GLIPR1L1: variants seen among roughly 807,000 people sequenced by gnomAD.
GLIPR1L1 encodes GLIPR1 like 1, also known as GLIPR1-like protein 1.
GLIPR1L1 carries 26 observed loss-of-function variants against 29.9 expected under a neutral mutation model. That is an observed-to-expected ratio of 0.87 (90% CI 0.64 to 1.21). The LOEUF (loss-of-function observed/expected upper bound fraction) is 1.21. Among genes scored for constraint, GLIPR1L1 ranks in the 50% most tolerant of loss-of-function variants. The pLI, the probability that GLIPR1L1 is intolerant of heterozygous loss-of-function variation, is 0.00. For missense variants in GLIPR1L1, 305 were observed against 290.3 expected (o/e 1.05, Z -0.37); for synonymous variants, 77 against 97.5 (o/e 0.79, Z 1.24).
intron 4 of GLIPR1L1, among the ~76,000 whole-genome samples, chr12:75,363,689 C>T (rs914972592): frequency 1.3e-5 from 2 of 152,010 alleles, no homozygotes; most frequent in African/African-American, 4.8e-5. Context: ...AAAATGGAGC[C>T]ATGTGTCAAC....
intron 1 of GLIPR1L1, among the ~76,000 whole-genome samples, chr12:75,335,163 A>G (rs1276588039): frequency 1.3e-5 from 2 of 152,158 alleles, no homozygotes; most frequent in African/African-American, 2.4e-5. Context: ...GCTTTGTTGC[A>G]CCACTAAAGT....
At chr12:75,344,665 G>A (rs2042332390) in intron 2 of GLIPR1L1, among the ~76,000 whole-genome samples, 1 of 151,764 alleles carries the variant, frequency 6.6e-6, no homozygotes, top group Admixed American at 6.6e-5. Flanking sequence ...TATCATGTTG[G>A]GTAAATTTTA....
intron 4 of GLIPR1L1, chr12:75,366,809 A>G: frequency 1.4e-6 from 1 of 697,252 alleles, no homozygotes; most frequent in African/African-American, 1.8e-5. Context: ...ATCACCTCTG[A>G]GAGGGCTAAA....
chr12:75,349,467 C>T (rs1005457634), intron 3 of GLIPR1L1, among the ~76,000 whole-genome samples: 4 of 151,830 alleles, frequency 2.6e-5, no homozygotes, highest in African/African-American at 9.7e-5. Context: ...TATTACCAGC[C>T]ATATAAAGAA....
Position 75,343,737 on chromosome 12 carries a change from C to T in GLIPR1L1, c.219C>T (p.Asn73=), listed in dbSNP as rs2042266085. The stretch of plus-strand genomic sequence containing the variant: ...CAAAGATGGCTAAAGCATGGGCAAA[C>T]CAGTGCAAATTTGAACATAATGACT... The part of the protein sequence containing the change: ...GLAKMAKAWA[N]QCKFEHNDCL... Residue 73 remains asparagine (N), a synonymous_variant, in exon 2 of 6, where the codon AAC becomes AAT. Coordinates refer to ENST00000378695, the MANE Select transcript of GLIPR1L1 (RefSeq NM_001304964.2). 6.2e-7 allele frequency: 1 copy of T among 1,612,142 alleles called. No individual in the cohort carries two copies. Among genetic ancestry groups the T allele is most frequent in the South Asian group, 1.1e-5 (1 of 90,940 alleles).
intron 4 of GLIPR1L1, chr12:75,366,782 T>A (rs2043995115): frequency 2.2e-5 from 15 of 676,730 alleles, no homozygotes; most frequent in South Asian, 2.0e-4. Flanking sequence ...TGTCTCAGTT[T>A]CTCTCTTCAG....
At chr12:75,354,048 C>A (rs1312438043) in intron 3 of GLIPR1L1, among the ~76,000 whole-genome samples, 3 of 150,516 alleles carry the variant, frequency 2.0e-5, no homozygotes, top group Non-Finnish European at 4.4e-5. Flanking sequence ...ACTGAATGGG[C>A]AAAAGCTGGA....
At chr12:75,356,245 A>T (rs1312596808) in intron 3 of GLIPR1L1, among the ~76,000 whole-genome samples, 1 of 152,202 alleles carries the variant, frequency 6.6e-6, no homozygotes. Flanking sequence ...AAGCAAAATA[A>T]AACTGTCAAC....
intron 3 of GLIPR1L1, among the ~76,000 whole-genome samples, chr12:75,359,411 G>A (rs1236239479): frequency 2.0e-5 from 2 of 101,166 alleles, no homozygotes; most frequent in Admixed American, 1.6e-4. Context: ...ATGAATTCAA[G>A]ACAATCCCAG....
chr12:75,367,662 C>T (rs1056204765), intron 4 of GLIPR1L1, among the ~76,000 whole-genome samples: 19 of 151,986 alleles, frequency 1.3e-4, no homozygotes, highest in African/African-American at 4.3e-4. Context: ...AGTCTATTAA[C>T]ACTTTTACCA....
chr12:75,369,433 G>A (rs956621115), intron 4 of GLIPR1L1: 34 of 707,436 alleles, frequency 4.8e-5, no homozygotes, highest in African/African-American at 1.9e-4. Flanking sequence ...TGCTGAATAC[G>A]TAGTAGAAGG....
chr12:75,342,458 A>G (rs1403611248), intron 1 of GLIPR1L1, among the ~76,000 whole-genome samples: 1 of 152,202 alleles, frequency 6.6e-6, no homozygotes, highest in Non-Finnish European at 1.5e-5. Context: ...AAATAAAAAG[A>G]TGTTTAAAAA....
intron 1 of GLIPR1L1, among the ~76,000 whole-genome samples, chr12:75,340,616 T>TA (rs2042037145): frequency 6.6e-6 from 1 of 151,654 alleles, no homozygotes; most frequent in Admixed American, 6.6e-5. Context: ...TTCTACTTTC[T>TA]AAAGTACCCT....
Position 75,370,319 on chromosome 12 carries a change from CA to C in GLIPR1L1, c.*149del, listed in dbSNP as rs1235193207. The C allele has an allele frequency of 1.1e-5, 6 of 551,508 alleles. No homozygotes were observed. The highest frequency in any genetic ancestry group is 1.9e-5 in the Non-Finnish European group (6 of 310,198). The allele number at this position is 551,508 out of a possible 1,614,324, so 34.2% of individuals were successfully genotyped here. On this transcript the variant is annotated 3_prime_UTR_variant, in exon 6 of 6. Coordinates refer to ENST00000378695, the MANE Select transcript of GLIPR1L1 (RefSeq NM_001304964.2). ...CTAAATTTAATGTTTGTTTTTAACT[CA>C]AAAAATGTACTGTAGTATGGAAAAT...
At chr12:75,343,272 A>G (rs1380216334) in intron 1 of GLIPR1L1, among the ~76,000 whole-genome samples, 2 of 152,012 alleles carry the variant, frequency 1.3e-5, no homozygotes, top group African/African-American at 2.4e-5. Context: ...TTGTTTGTAG[A>G]TTATCTTTAT....
chr12:75,359,161 A>G (rs1451782608), intron 3 of GLIPR1L1, among the ~76,000 whole-genome samples: 1 of 150,492 alleles, frequency 6.6e-6, no homozygotes, highest in Non-Finnish European at 1.5e-5. Context: ...GTATACTAAC[A>G]CTTAACCAGA....
At chr12:75,364,532 G>T (rs754839811) in intron 4 of GLIPR1L1, among the ~76,000 whole-genome samples, 1 of 152,196 alleles carries the variant, frequency 6.6e-6, no homozygotes, top group African/African-American at 2.4e-5. Flanking sequence ...TTCCAGCCCA[G>T]ATGGGAATGG....
intron 4 of GLIPR1L1, 166 bp from the exon 5 acceptor site, chr12:75,369,794 A>G (rs2139695469): frequency 1.0e-6 from 1 of 982,516 alleles, no homozygotes; most frequent in Non-Finnish European, 1.2e-6. Flanking sequence ...AGCATCGTAA[A>G]GAGTTTTAAG....
intron 2 of GLIPR1L1, 102 bp from the exon 3 acceptor site, chr12:75,347,520 A>C (rs1392505260): frequency 8.0e-6 from 5 of 627,136 alleles, no homozygotes; most frequent in Non-Finnish European, 1.4e-5. Flanking sequence ...ATTTATGTAC[A>C]TTATTTTTTG....
Sources: gnomAD v4.1 joint callset for allele counts (sites outside exome capture counted in the v4.1 genomes callset) on GRCh38, gnomAD v4.1.1 for gene constraint, MANE v1.5 for transcripts, NCBI Gene and HGNC (gene_info 2026-07-23, HGNC 2026-07-21) for gene names.